Variants in SYNPO observed in about 807,000 individuals in gnomAD.
SYNPO encodes the protein synaptopodin.
In SYNPO, 19 loss-of-function variants were observed where a neutral mutation model predicts 49.5. The ratio of observed to expected loss-of-function variants is 0.38; its 90% CI spans 0.27 to 0.56. SYNPO has a LOEUF of 0.56. Among genes scored for constraint, SYNPO ranks in the 20% least tolerant of loss-of-function variants. SYNPO has a pLI of 0.68. For missense variants in SYNPO, 1,131 were observed against 1,248.3 expected, an observed-to-expected ratio of 0.91 and a Z score of 1.42; for synonymous variants, 536 against 548.0, an observed-to-expected ratio of 0.98 and a Z score of 0.31.
At chr5:150,609,563 G>A (rs1404713312) in intron 1 of SYNPO, among the ~76,000 whole-genome samples, 3 of 152,236 alleles carry the variant, frequency 2.0e-5, no homozygotes, top group Non-Finnish European at 4.4e-5. Flanking sequence ...CCAAAATGCT[G>A]GGATTATCGG....
rs1758203063 is a variant in SYNPO, at chr5:150,648,565, A to G, written c.290A>G (p.Asn97Ser). Residue 97 changes from asparagine (N) to serine (S), a missense_variant, in exon 2 of 3, where the codon AAT (asparagine) becomes AGT (serine). Around this residue, in one of 4 missense-constraint regions of SYNPO, gnomAD observed 602 missense variants for 720.7 expected, o/e 0.84. Transcript: ENST00000307662. The surrounding 1 kb of genome is among the most constrained non-coding windows in gnomAD (Gnocchi z 5.0). ...CACAATCCGCCAGCCACCGATGTCA[A>G]TCAGAACCCACCGGCAACTGTTGTC... is the stretch of plus-strand genomic sequence containing the variant. ...SSHNPPATDVNQNPPATVVPQ... is the reference protein window; with the variant it reads ...SSHNPPATDVSQNPPATVVPQ... The G allele has an allele frequency of 6.2e-7, 1 of 1,614,068 alleles. No individual in the cohort carries two copies.
At chr5:150,593,524 T>A in the SYNPO span, among the ~76,000 whole-genome samples, 3 of 152,154 alleles carry the variant, frequency 2.0e-5, no homozygotes, top group South Asian at 6.2e-4. Context: ...TGCAGTGATA[T>A]GATCTCCGTT....
At chr5:150,642,090 T>TTATG (rs1298184637) in intron 1 of SYNPO, among the ~76,000 whole-genome samples, 2 of 152,216 alleles carry the variant, frequency 1.3e-5, no homozygotes, top group Admixed American at 1.3e-4. Flanking sequence ...ATCACAGGAC[T>TTATG]TATGTCTGGG....
intron 1 of SYNPO, among the ~76,000 whole-genome samples, chr5:150,601,582 A>T (rs1756542989): frequency 6.6e-6 from 1 of 152,128 alleles, no homozygotes. Context: ...TGTATGAATG[A>T]GCGTGTGTGC....
chr5:150,642,018 A>G (rs1757927451), intron 1 of SYNPO, among the ~76,000 whole-genome samples: 2 of 152,376 alleles, frequency 1.3e-5, no homozygotes, highest in South Asian at 2.1e-4. Flanking sequence ...TCTGCCACTC[A>G]TAAGTTGTGT....
rs1758579175 is a variant in SYNPO, at chr5:150,656,772, C to T, written c.2397C>T (p.Pro799=). 1 of 1,239,144 alleles carries T rather than the reference C, an allele frequency of 8.1e-7. No individual in the cohort carries two copies. Among genetic ancestry groups the T allele is most frequent in the Admixed American group, 4.3e-5 (1 of 23,070 alleles). The allele number at this position is 1,239,144 out of a possible 1,614,324, so 76.8% of individuals were successfully genotyped here. ...CCCCGCCCCCGCCCCCGCCCCCGCC[C>T]CCGCGCATGCGCTCGCCACAGCCCG... ...PPPPPPPPPP[P]PRMRSPQPAR... The change falls in exon 3 of 3, where the codon CCC becomes CCT. Residue 799 remains proline (P), a synonymous_variant. Transcript: ENST00000307662.
the SYNPO span, among the ~76,000 whole-genome samples, chr5:150,595,506 G>A: frequency 3.9e-5 from 6 of 152,350 alleles, no homozygotes; most frequent in South Asian, 1.2e-3. Flanking sequence ...CACTCTCTGG[G>A]TAGGCATTAG....
upstream of SYNPO, among the ~76,000 whole-genome samples, chr5:150,637,566 G>T (rs143192033): frequency 0.014 from 2,099 of 152,266 alleles, 52 homozygotes; most frequent in African/African-American, 0.048. Flanking sequence ...CTGTGAGCGC[G>T]CCTGAGACCC....
chr5:150,594,839 C>A, the SYNPO span, among the ~76,000 whole-genome samples: 3 of 152,112 alleles, frequency 2.0e-5, no homozygotes, highest in African/African-American at 7.2e-5. Context: ...AGGTAATGGT[C>A]GAGCAGGACT....
upstream of SYNPO, among the ~76,000 whole-genome samples, chr5:150,598,281 A>G (rs370672749): frequency 2.4e-4 from 36 of 152,330 alleles, no homozygotes; most frequent in African/African-American, 8.7e-4. Context: ...GCAGGGGGAA[A>G]GAAAAGACTG....
intron 2 of SYNPO, among the ~76,000 whole-genome samples, chr5:150,632,369 C>T (rs1377490852): frequency 6.6e-6 from 1 of 152,146 alleles, no homozygotes; most frequent in Non-Finnish European, 1.5e-5. Context: ...TATTTTTAAA[C>T]TTAAGATAAA....
chr5:150,626,170 A>C (rs529364781), intron 2 of SYNPO, among the ~76,000 whole-genome samples: 126 of 152,270 alleles, frequency 8.3e-4, no homozygotes, highest in African/African-American at 2.9e-3. Flanking sequence ...GGCCTGGCCC[A>C]TTCCATGTTG....
upstream of SYNPO, among the ~76,000 whole-genome samples, chr5:150,596,444 A>G (rs1177168597): frequency 6.6e-6 from 1 of 152,088 alleles, no homozygotes; most frequent in Non-Finnish European, 1.5e-5. Context: ...TCAGAAGACG[A>G]CGTTCGATCC....
intron 1 of SYNPO, among the ~76,000 whole-genome samples, chr5:150,605,513 A>C (rs1246786992): frequency 6.6e-6 from 1 of 152,168 alleles, no homozygotes; most frequent in African/African-American, 2.4e-5. Context: ...AAGGTAGGAA[A>C]TCTTATGGGG....
chr5:150,655,672 A>G (rs1022941077), intron 2 of SYNPO, among the ~76,000 whole-genome samples: 1 of 152,184 alleles, frequency 6.6e-6, no homozygotes, highest in Non-Finnish European at 1.5e-5. Context: ...TTTTAAATTG[A>G]GACAGAGTCT....
At position 150,656,578 on chromosome 5, in the gene SYNPO, C is replaced by A. The variant is rs1389504671; in HGVS notation, c.2203C>A (p.Arg735Ser). 1 of 1,520,710 alleles carries A rather than the reference C, an allele frequency of 6.6e-7. No homozygotes were observed. The highest frequency in any genetic ancestry group is 2.0e-5 in the Admixed American group (1 of 50,118). 94.2% of individuals were successfully genotyped at this position (1,520,710 alleles called of 1,614,324 possible). ...PPPMSPSWSE[R>S]SVSPLRPETE... ...GCCCATGTCTCCCTCGTGGAGCGAG[C>A]GCTCGGTGTCCCCGCTGCGACCTGA... The change falls in exon 3 of 3, where the codon CGC becomes AGC. Residue 735 changes from arginine (R) to serine (S), a missense_variant. Transcript: ENST00000307662.
At chr5:150,628,501 A>G (rs1256871050) in intron 2 of SYNPO, among the ~76,000 whole-genome samples, 1 of 152,210 alleles carries the variant, frequency 6.6e-6, no homozygotes, top group East Asian at 1.9e-4. Context: ...TCATCTATAA[A>G]ATAGAAACAA....
upstream of SYNPO, among the ~76,000 whole-genome samples, chr5:150,597,008 G>A (rs1181731296): frequency 1.3e-5 from 2 of 152,226 alleles, no homozygotes; most frequent in Non-Finnish European, 2.9e-5. Context: ...GGCTGTGATA[G>A]TGAGGGTTGG....
At chr5:150,590,342 G>C in the SYNPO span, among the ~76,000 whole-genome samples, 1 of 152,236 alleles carries the variant, frequency 6.6e-6, no homozygotes, top group African/African-American at 2.4e-5. Flanking sequence ...GCCACAGCCA[G>C]CCAAGCTGAA....
Sources: allele counts gnomAD v4.1 joint callset (sites outside exome capture counted in the v4.1 genomes callset), GRCh38; gene constraint gnomAD v4.1.1; regional missense constraint gnomAD v4.1.1; non-coding constraint Gnocchi (gnomAD v3.1); transcripts MANE v1.5; gene names NCBI Gene and HGNC (gene_info 2026-07-23, HGNC 2026-07-21).